DMD: variants seen among roughly 807,000 people sequenced by gnomAD.
DMD encodes the protein mutant dystrophin.
In DMD, 63 loss-of-function variants were observed where a neutral mutation model predicts 330.1. That is an observed-to-expected ratio of 0.19 (90% CI 0.16 to 0.24). The LOEUF (loss-of-function observed/expected upper bound fraction) is 0.24. Among genes scored for constraint, DMD ranks in the 10% least tolerant of loss-of-function variants. The pLI, the probability that DMD is intolerant of heterozygous loss-of-function variation, is 1.00. For missense variants in DMD, 3,344 were observed against 2,684.1 expected (o/e 1.25, Z -5.43); for synonymous variants, 1,223 against 959.8 (o/e 1.27, Z -5.07).
chrX:31,191,180 G>A (rs2042309332), intron 67 of DMD, among the ~76,000 whole-genome samples: 1 of 98,359 alleles, frequency 1.0e-5, no homozygotes, highest in Non-Finnish European at 2.0e-5. Context: ...AGGTCTGCTA[G>A]TACAATGTGT....
At chrX:31,732,802 TTC>T (rs1303617275) in intron 51 of DMD, among the ~76,000 whole-genome samples, 2 of 111,845 alleles carry the variant, frequency 1.8e-5, no homozygotes, top group East Asian at 5.6e-4. Flanking sequence ...TCTGGTCCTT[TTC>T]TGTTTCCTCA....
At chrX:31,390,452 C>CA (rs2060636254) in intron 60 of DMD, among the ~76,000 whole-genome samples, 1 of 110,818 alleles carries the variant, frequency 9.0e-6, no homozygotes, top group African/African-American at 3.3e-5. Flanking sequence ...TTGGACATAT[C>CA]ACACACATTT....
chrX:32,727,200 T>A (rs1486306436), intron 7 of DMD, among the ~76,000 whole-genome samples: 1 of 111,480 alleles, frequency 9.0e-6, no homozygotes, highest in Non-Finnish European at 1.9e-5. Context: ...AGTGAATGCA[T>A]AGATATCTCT....
chrX:31,385,083 C>A (rs758699383), intron 60 of DMD, among the ~76,000 whole-genome samples: 5 of 112,155 alleles, frequency 4.5e-5, no homozygotes, highest in African/African-American at 6.5e-5. Context: ...AAAATTCCTA[C>A]ATGAAGGTTC....
chrX:32,509,101 T>A (rs746452101), intron 18 of DMD, among the ~76,000 whole-genome samples: 1 of 107,501 alleles, frequency 9.3e-6, no homozygotes, highest in Non-Finnish European at 1.9e-5. Flanking sequence ...TGAGCCACCG[T>A]GCCTGGCCAC....
At chrX:32,217,534 GT>G (rs1205031928) in intron 43 of DMD, among the ~76,000 whole-genome samples, 1 of 110,972 alleles carries the variant, frequency 9.0e-6, no homozygotes, top group Non-Finnish European at 1.9e-5. Context: ...AAAACTGCCT[GT>G]TCATCAACTG....
chrX:32,321,625 G>T (rs763477265), intron 41 of DMD, among the ~76,000 whole-genome samples: 1 of 111,322 alleles, frequency 9.0e-6, no homozygotes. Context: ...TTTGTGAATA[G>T]GTTTCAGCTT....
intron 61 of DMD, among the ~76,000 whole-genome samples, chrX:31,344,313 T>C (rs971876427): frequency 9.0e-6 from 1 of 111,538 alleles, no homozygotes; most frequent in South Asian, 3.7e-4. Context: ...TTTGTAAAGG[T>C]ATAAAAAGGA....
chrX:31,325,679 T>C (rs1221192814), intron 61 of DMD, among the ~76,000 whole-genome samples: 11 of 111,131 alleles, frequency 9.9e-5, no homozygotes, highest in Non-Finnish European at 1.9e-4. Flanking sequence ...TCAGAGTCTG[T>C]TGTTATGGAA....
intron 41 of DMD, among the ~76,000 whole-genome samples, chrX:32,315,651 A>G (rs1027549241): frequency 1.8e-5 from 2 of 111,251 alleles, no homozygotes; most frequent in Non-Finnish European, 3.8e-5. Context: ...ATAGTCCTAA[A>G]CCAGGGCTTA....
intron 7 of DMD, among the ~76,000 whole-genome samples, chrX:32,783,359 T>C (rs918866654): frequency 4.8e-5 from 5 of 103,426 alleles, no homozygotes; most frequent in Non-Finnish European, 7.9e-5. Flanking sequence ...GGTATATATA[T>C]ACACACATAT....
chrX:31,777,607 G>C (rs185595438), intron 50 of DMD, among the ~76,000 whole-genome samples: 1 of 110,727 alleles, frequency 9.0e-6, no homozygotes, highest in Admixed American at 9.7e-5. Context: ...TTCCTAAATA[G>C]ACAATCTTGG....
intron 42 of DMD, among the ~76,000 whole-genome samples, chrX:32,295,538 T>G (rs924495887): frequency 1.8e-5 from 2 of 112,511 alleles, no homozygotes; most frequent in Non-Finnish European, 3.8e-5. Context: ...CTTTAAAATG[T>G]GAGTCTCTCC....
intron 7 of DMD, among the ~76,000 whole-genome samples, chrX:32,727,127 T>C (rs562049230): frequency 1.8e-5 from 2 of 111,297 alleles, no homozygotes; most frequent in African/African-American, 6.5e-5. Flanking sequence ...TTAATAATTA[T>C]AATAGACTAG....
At chrX:31,719,591 C>T (rs1260701848) in intron 52 of DMD, among the ~76,000 whole-genome samples, 1 of 111,773 alleles carries the variant, frequency 8.9e-6, no homozygotes, top group Non-Finnish European at 1.9e-5. Flanking sequence ...TTATTCTGCA[C>T]GTGTTTCCTG....
At chrX:32,390,206 T>C in intron 30 of DMD, 25 bp from the exon 31 acceptor site, 1 of 1,066,656 alleles carries the variant, frequency 9.4e-7, no homozygotes. Flanking sequence ...GCATTATTAG[T>C]CAGCATGCTC....
intron 42 of DMD, among the ~76,000 whole-genome samples, chrX:32,289,302 C>T (rs144112054): frequency 0.015 from 1,704 of 110,530 alleles, 30 homozygotes; most frequent in African/African-American, 0.053. Flanking sequence ...TATCATCACC[C>T]ATATTCAGCC....
intron 2 of DMD, among the ~76,000 whole-genome samples, chrX:32,975,346 CTTTTTTT>C (rs35180404): frequency 1.1e-3 from 73 of 64,769 alleles, no homozygotes; most frequent in Middle Eastern, 9.9e-3. Flanking sequence ...TTAAAAAATG[CTTTTTTT>C]TTTTTTTTTT....
chrX:32,816,883 C>T (rs1009957025), intron 5 of DMD, among the ~76,000 whole-genome samples: 5 of 111,579 alleles, frequency 4.5e-5, no homozygotes, highest in African/African-American at 1.3e-4. Context: ...TGGATTCTGC[C>T]ATATTAGACC....
Sources: gnomAD v4.1 joint callset for allele counts (sites outside exome capture counted in the v4.1 genomes callset) on GRCh38, gnomAD v4.1.1 for gene constraint, MANE v1.5 for transcripts, NCBI Gene and HGNC (gene_info 2026-07-23, HGNC 2026-07-21) for gene names.